ZNF91: variants seen among roughly 807,000 people sequenced by gnomAD.
ZNF91 encodes the protein zinc finger protein 91 (HPF7, HTF10).
A neutral mutation model predicts 12.6 loss-of-function variants in ZNF91; 7 were observed. That is an observed-to-expected ratio of 0.55 (90% confidence interval 0.31 to 1.04). ZNF91 has a LOEUF of 1.04. Ranked by LOEUF, ZNF91 falls within the 50% of genes least tolerant of loss-of-function variation. The pLI is 0.05. For synonymous variants in ZNF91, 453 were observed against 462.6 expected, an observed-to-expected ratio of 0.98 and a Z score of 0.27; for missense variants, 1,217 against 1,385.4, an observed-to-expected ratio of 0.88 and a Z score of 1.93.
chr19:23,378,729 A>G (rs1380995688), intron 1 of ZNF91, among the ~76,000 whole-genome samples: 1 of 152,202 alleles, frequency 6.6e-6, no homozygotes, highest in Non-Finnish European at 1.5e-5. Context: ...TAAAGCCCAT[A>G]TTTTTGCACA....
At chr19:23,356,170 ATCT>A (rs1420319248), downstream of ZNF91, among the ~76,000 whole-genome samples, 9 of 152,230 alleles carry the variant, frequency 5.9e-5, no homozygotes, top group African/African-American at 2.2e-4. Flanking sequence ...ACTACTGAGT[ATCT>A]ACCCAGAGAA....
At chr19:23,315,077 G>A (rs531975625), upstream of ZNF91, among the ~76,000 whole-genome samples, 6 of 152,252 alleles carry the variant, frequency 3.9e-5, no homozygotes, top group South Asian at 2.1e-4. Flanking sequence ...TGATGTTATC[G>A]TTTTACATGG....
At chr19:23,391,525 A>G (rs557296560) in intron 1 of ZNF91, among the ~76,000 whole-genome samples, 12 of 152,310 alleles carry the variant, frequency 7.9e-5, no homozygotes, top group African/African-American at 2.6e-4. Context: ...TCATCTTTGC[A>G]ATCTTTAAAA....
chr19:23,356,716 A>C (rs295371), downstream of ZNF91, among the ~76,000 whole-genome samples: 1 of 151,720 alleles, frequency 6.6e-6, no homozygotes, highest in Non-Finnish European at 1.5e-5. Flanking sequence ...CCACCTGTAC[A>C]TAAGTAACTT....
At chr19:23,342,441 T>C (rs774672352) in intron 3 of ZNF91, among the ~76,000 whole-genome samples, 2 of 152,204 alleles carry the variant, frequency 1.3e-5, no homozygotes, top group East Asian at 3.9e-4. Context: ...TCTGGGTCCT[T>C]AGCTCTACTA....
chr19:23,381,386 A>C (rs572390219), intron 1 of ZNF91, among the ~76,000 whole-genome samples: 81 of 152,234 alleles, frequency 5.3e-4, no homozygotes, highest in Middle Eastern at 3.4e-3. Context: ...TGCTAATTGT[A>C]CTGAATAAAT....
At chr19:23,368,316 A>C (rs1599733985) in intron 3 of ZNF91, among the ~76,000 whole-genome samples, 1 of 151,858 alleles carries the variant, frequency 6.6e-6, no homozygotes, top group Non-Finnish European at 1.5e-5. Flanking sequence ...TCAAGACCAG[A>C]CCAGCCTGAA....
At chr19:23,345,633 C>G (rs983247915) in intron 3 of ZNF91, among the ~76,000 whole-genome samples, 4 of 152,168 alleles carry the variant, frequency 2.6e-5, no homozygotes, top group Admixed American at 2.6e-4. Flanking sequence ...TTGGATCCAG[C>G]AGACTGCTGT....
At chr19:23,353,101 C>G (rs12983078), downstream of ZNF91, among the ~76,000 whole-genome samples, 26,478 of 152,130 alleles carry the variant, frequency 0.17, 2,520 homozygotes, top group Non-Finnish European at 0.21. Context: ...TACCCTGGAA[C>G]AAATGGACTT....
chr19:23,367,017 G>A (rs1298896516), intron 3 of ZNF91, among the ~76,000 whole-genome samples: 3 of 152,226 alleles, frequency 2.0e-5, no homozygotes, highest in Non-Finnish European at 1.5e-5. Flanking sequence ...TGCCAGGTGG[G>A]TGGTGTAGCT....
At chr19:23,364,786 T>C (rs1465867760) in intron 3 of ZNF91, among the ~76,000 whole-genome samples, 1 of 151,956 alleles carries the variant, frequency 6.6e-6, no homozygotes, top group Non-Finnish European at 1.5e-5. Flanking sequence ...ACAACAAATA[T>C]ACAAGTTATA....
chr19:23,334,982 A>G (rs547918869), downstream of ZNF91, among the ~76,000 whole-genome samples: 1 of 152,306 alleles, frequency 6.6e-6, no homozygotes, highest in East Asian at 1.9e-4. Context: ...GGAATTTTTT[A>G]AACTTTTTAT....
intron 1 of ZNF91, chr19:23,385,094 C>A: frequency 6.8e-6 from 6 of 882,434 alleles, no homozygotes; most frequent in Non-Finnish European, 1.1e-5. Flanking sequence ...GACAGCCACT[C>A]CTCCAACCTG....
downstream of ZNF91, among the ~76,000 whole-genome samples, chr19:23,335,052 A>C (rs139355871): frequency 6.6e-6 from 1 of 152,318 alleles, no homozygotes; most frequent in Non-Finnish European, 1.5e-5. Context: ...TATAGTCAGG[A>C]ACCTCAGGCT....
chr19:23,341,013 A>G (rs1460729081), intron 3 of ZNF91, among the ~76,000 whole-genome samples: 1 of 151,968 alleles, frequency 6.6e-6, no homozygotes, highest in African/African-American at 2.4e-5. Flanking sequence ...GCCAACACGC[A>G]TATGAAAAAA....
Position 23,361,598 on chromosome 19 carries a change from G to T in ZNF91, c.1381C>A (p.Pro461Thr). ...KHKRFHTREK[P>T]FKCKECGKAF... ...TTGCCACATTCTTTACATTTGAAGG[G>T]TTTCTCTCTAGTATGAAATCTTTTA... The change falls in exon 4 of 4, where the codon CCC (proline) becomes ACC (threonine). Residue 461 changes from proline to threonine, a missense_variant. Transcript: ENST00000300619. 1 of 1,613,570 alleles carries T rather than the reference G, an allele frequency of 6.2e-7. No homozygotes were observed.
chr19:23,342,983 C>T (rs1422839235), intron 3 of ZNF91, among the ~76,000 whole-genome samples: 1 of 152,114 alleles, frequency 6.6e-6, no homozygotes, highest in Non-Finnish European at 1.5e-5. Context: ...GTTACAGAGA[C>T]TGGAATTATC....
At chr19:23,306,035 C>T (rs933537078) in intron 3 of ZNF91, among the ~76,000 whole-genome samples, 1 of 152,160 alleles carries the variant, frequency 6.6e-6, no homozygotes, top group Non-Finnish European at 1.5e-5. Context: ...TTTTTGTGTA[C>T]ATATTTACAT....
Position 23,361,737 on chromosome 19 carries a change from A to C in ZNF91, c.1242T>G (p.Ala414=). The change falls in exon 4 of 4, where the codon GCT becomes GCG. Residue 414 remains alanine, a synonymous_variant. Coordinates refer to ENST00000300619, the MANE Select transcript of ZNF91 (RefSeq NM_003430.4). Reference sequence around the variant, plus strand: ...TAGTAAGATTTGAAGATCGATTAAAAGCTTTGCCACATTCTTCACATTTGT... The same window carrying C: ...TAGTAAGATTTGAAGATCGATTAAACGCTTTGCCACATTCTTCACATTTGT... ...KLYKCEECGK[A]FNRSSNLTIH... The C allele has an allele frequency of 1.2e-6, 2 of 1,610,248 alleles. No individual in the cohort carries two copies. The highest frequency in any genetic ancestry group is 1.7e-6 in the Non-Finnish European group (2 of 1,177,688).
Sources: allele counts gnomAD v4.1 joint callset (sites outside exome capture counted in the v4.1 genomes callset), GRCh38; gene constraint gnomAD v4.1.1; transcripts MANE v1.5; gene names NCBI Gene and HGNC (gene_info 2026-07-23, HGNC 2026-07-21).